Variants in TJP1 observed in about 807,000 individuals in gnomAD.
TJP1 encodes tight junction protein ZO-1.
Under a neutral mutation model 194.2 loss-of-function variants are expected in TJP1, and 43 were observed. The ratio of observed to expected loss-of-function variants is 0.22; its 90% CI spans 0.17 to 0.29. The LOEUF (loss-of-function observed/expected upper bound fraction) is 0.29. TJP1 is among the 10% of genes least tolerant of loss of function. The probability of loss-of-function intolerance (pLI) is 1.00; values close to 1 mark genes in which losing one functional copy is unlikely to be tolerated. For synonymous variants in TJP1, 801 were observed against 779.0 expected, an observed-to-expected ratio of 1.03 and a Z score of -0.47; for missense variants, 1,971 against 2,185.7, an observed-to-expected ratio of 0.90 and a Z score of 1.96.
intron 8 of TJP1, among the ~76,000 whole-genome samples, chr15:29,751,930 A>G (rs1317546285): frequency 2.0e-5 from 3 of 151,914 alleles, no homozygotes; most frequent in African/African-American, 7.3e-5. Flanking sequence ...TTATTTTTGT[A>G]CTACTTATTT....
chr15:29,702,300 C>T (rs2041598320), intron 27 of TJP1, among the ~76,000 whole-genome samples: 2 of 152,146 alleles, frequency 1.3e-5, no homozygotes, highest in Admixed American at 1.3e-4. Flanking sequence ...GCTCTGATTC[C>T]AGCTGGACAA....
intron 8 of TJP1, among the ~76,000 whole-genome samples, chr15:29,755,760 T>C (rs1351768475): frequency 1.3e-5 from 2 of 152,198 alleles, no homozygotes; most frequent in African/African-American, 4.8e-5. Context: ...AGGCCTTAGA[T>C]GAACTCTGTT....
intron 2 of TJP1, among the ~76,000 whole-genome samples, chr15:29,777,714 A>G (rs2047104639): frequency 6.2e-5 from 1 of 16,080 alleles, no homozygotes; most frequent in Non-Finnish European, 3.7e-4. Flanking sequence ...CTACAAATGT[A>G]CTATTCTTTT....
At chr15:29,820,969 A>G (rs1025230519) in intron 1 of TJP1, among the ~76,000 whole-genome samples, 4 of 152,236 alleles carry the variant, frequency 2.6e-5, no homozygotes, top group African/African-American at 9.6e-5. Flanking sequence ...TGTTACGGGT[A>G]AGCATTTCAA....
intron 25 of TJP1, among the ~76,000 whole-genome samples, 200 bp downstream of exon 25, chr15:29,708,359 G>A (rs745400600): frequency 3.3e-5 from 5 of 152,044 alleles, no homozygotes; most frequent in Non-Finnish European, 5.9e-5. Flanking sequence ...AACCATACAC[G>A]ACTGTTAGCT....
chr15:29,800,363 A>T, intron 2 of TJP1: 1 of 378,082 alleles, frequency 2.6e-6, no homozygotes, highest in Non-Finnish European at 4.7e-6. Flanking sequence ...AATAATTTAT[A>T]CTAATGTACA....
intron 2 of TJP1, among the ~76,000 whole-genome samples, chr15:29,781,862 T>A (rs576603102): frequency 6.6e-6 from 1 of 152,170 alleles, no homozygotes; most frequent in Admixed American, 6.5e-5. Flanking sequence ...ACAGCCAACA[T>A]CATACTGAAT....
chr15:29,793,553 A>G (rs1236029294), intron 2 of TJP1, among the ~76,000 whole-genome samples: 1 of 152,174 alleles, frequency 6.6e-6, no homozygotes, highest in Non-Finnish European at 1.5e-5. Context: ...GTGAGGCCTC[A>G]GGAAATGCAT....
intron 2 of TJP1, among the ~76,000 whole-genome samples, chr15:29,898,138 G>C (rs761218256): frequency 6.6e-6 from 1 of 152,156 alleles, no homozygotes; most frequent in Non-Finnish European, 1.5e-5. Context: ...CAGTTCCTAC[G>C]TGTTGTGGGA....
chr15:29,824,234 A>T (rs1241393248), upstream of TJP1, among the ~76,000 whole-genome samples: 1 of 151,682 alleles, frequency 6.6e-6, no homozygotes, highest in Non-Finnish European at 1.5e-5. Flanking sequence ...ACTTGAGGTC[A>T]GGAGTTCGAA....
chr15:29,759,298 T>G (rs1658671346), intron 8 of TJP1: 1 of 152,188 alleles, frequency 6.6e-6, no homozygotes, highest in African/African-American at 2.4e-5. Context: ...TCCTAAATCA[T>G]CTCTTCAGAT....
chr15:29,790,097 C>G (rs541223577), intron 2 of TJP1, among the ~76,000 whole-genome samples: 8 of 152,308 alleles, frequency 5.3e-5, no homozygotes, highest in African/African-American at 1.9e-4. Flanking sequence ...CATTCGTTTG[C>G]CTGTTGTCTA....
At chr15:29,836,754 G>T (rs997783902) in intron 2 of TJP1, among the ~76,000 whole-genome samples, 2 of 152,212 alleles carry the variant, frequency 1.3e-5, no homozygotes, top group African/African-American at 4.8e-5. Flanking sequence ...GAGCCCTCAT[G>T]AATGAGATTA....
intron 2 of TJP1, among the ~76,000 whole-genome samples, chr15:29,798,782 C>T (rs572910925): frequency 1.3e-5 from 2 of 152,256 alleles, no homozygotes; most frequent in South Asian, 2.1e-4. Flanking sequence ...AACTGGAGAA[C>T]GAACACACAA....
intron 11 of TJP1, among the ~76,000 whole-genome samples, chr15:29,735,167 G>A (rs1332583939): frequency 6.6e-6 from 1 of 151,582 alleles, no homozygotes; most frequent in Non-Finnish European, 1.5e-5. Flanking sequence ...CAGGATTACA[G>A]GCAGGTTTTC....
intron 2 of TJP1, among the ~76,000 whole-genome samples, chr15:29,828,177 G>C (rs1364454036): frequency 6.6e-6 from 1 of 152,122 alleles, no homozygotes; most frequent in East Asian, 1.9e-4. Flanking sequence ...AGGAGAGAGA[G>C]AATATATGAA....
At chr15:29,768,441 A>G (rs1278504078) in intron 4 of TJP1, among the ~76,000 whole-genome samples, 1 of 152,208 alleles carries the variant, frequency 6.6e-6, no homozygotes, top group Non-Finnish European at 1.5e-5. Context: ...TTAGTATTTT[A>G]ATCTTCAGTT....
At chr15:29,702,922 T>C (rs1015689141) in intron 27 of TJP1, among the ~76,000 whole-genome samples, 2 of 136,922 alleles carry the variant, frequency 1.5e-5, no homozygotes, top group African/African-American at 2.7e-5. Context: ...TCAGGTTCGC[T>C]TAAAGTGATC....
At chr15:29,860,665 T>C (rs4780264) in intron 2 of TJP1, among the ~76,000 whole-genome samples, 11,980 of 152,194 alleles carry the variant, frequency 0.079, 682 homozygotes, top group East Asian at 0.21. Flanking sequence ...CACATTTTGT[T>C]TGTCTATTTT....
Sources: allele counts gnomAD v4.1 joint callset (sites outside exome capture counted in the v4.1 genomes callset), GRCh38; gene constraint gnomAD v4.1.1; transcripts MANE v1.5; gene names NCBI Gene and HGNC (gene_info 2026-07-23, HGNC 2026-07-21).